NPBWR2: variants seen among roughly 807,000 people sequenced by gnomAD.
The protein encoded by NPBWR2 is neuropeptides B/W receptor type 2.
For synonymous variants in NPBWR2, 207 were observed against 223.5 expected (o/e 0.93, Z 0.66); for missense variants, 390 against 458.2 (o/e 0.85, Z 1.36).
Position 64,106,359 on chromosome 20 carries a change from C to G in NPBWR2, c.473G>C (p.Arg158Pro), listed in dbSNP as rs752432422. The change falls in exon 2 of 2, where the codon CGC becomes CCC. Residue 158 changes from arginine (R) to proline (P), a missense_variant. By Grantham distance (103) the Arg-to-Pro change is moderately radical. Coordinates refer to ENST00000684052, the MANE Select transcript of NPBWR2 (RefSeq NM_005286.4). The surrounding 1 kb of genome is among the most constrained non-coding windows in gnomAD (Gnocchi z 9.5). The stretch of plus-strand genomic sequence containing the variant: ...GGCGACCTTCGCCCCCCGGTAGGTG[C>G]GCCAGGGCATGTGGCGGGACCTCAC... ...ATVRSRHMPWRTYRGAKVASL... is the reference protein window; with the variant it reads ...ATVRSRHMPWPTYRGAKVASL... 1 of 1,612,638 alleles carries G rather than the reference C, an allele frequency of 6.2e-7. No individual in the cohort carries two copies. Among genetic ancestry groups the G allele is most frequent in the African/African-American group, 1.3e-5 (1 of 74,928 alleles).
chr20:64,104,490 G>T lies in NPBWR2; in HGVS notation c.*1340C>A, dbSNP rs1051020298. 2.1e-5 allele frequency among the ~76,000 whole-genome samples: 3 copies of T among 144,424 alleles called. No homozygotes were observed. Among genetic ancestry groups the T allele is most frequent in the Non-Finnish European group, 4.6e-5 (3 of 65,924 alleles). The allele number at this position is 144,424 out of a possible 152,430, so 94.7% of individuals were successfully genotyped here. ...CGAGGACCGTCGGCCACAGCAGGGG[G>T]GTACAGGGGAGCACAGGCCATGGAG... On this transcript the variant is annotated 3_prime_UTR_variant, in exon 2 of 2. Coordinates refer to ENST00000684052, the MANE Select transcript of NPBWR2 (RefSeq NM_005286.4).
Position 64,106,949 on chromosome 20 carries a change from T to C in NPBWR2, c.-91-27A>G. 7.8e-7 allele frequency: 1 copy of C among 1,288,326 alleles called. No individual in the cohort carries two copies. Among genetic ancestry groups the C allele is most frequent in the South Asian group, 1.5e-5 (1 of 68,140 alleles). The allele number at this position is 1,288,326 out of a possible 1,614,324, so 79.8% of individuals were successfully genotyped here. A position where few individuals can be genotyped will look rare whatever the true frequency, so the allele number is the denominator to read the frequency against. ...TAGGAAAGAAAAACAACCAGAGACT[T>C]TGAGATCCGGCCGTCTGTTAGGGCA... On this transcript the variant is annotated intron_variant, in intron 1 of 1. Coordinates refer to ENST00000684052, the MANE Select transcript of NPBWR2 (RefSeq NM_005286.4). This position sits in a 1 kb window ranked among gnomAD's most constrained non-coding sequence, Gnocchi z 9.5.
In NPBWR2 at chr20:64,103,827, A is replaced by G. The variant is rs1439749593; in HGVS notation, c.*2003T>C. The stretch of plus-strand genomic sequence containing the variant: ...TAAGTTTTGGAGAAATTTGTTATTC[A>G]GCAACAGATATCTAATACAATGTTG... On this transcript the variant is annotated 3_prime_UTR_variant, in exon 2 of 2. Transcript: ENST00000684052. Among the ~76,000 whole-genome samples the G allele has an allele frequency of 2.0e-5, 3 of 152,284 alleles. No individual in the cohort carries two copies. The highest frequency in any genetic ancestry group is 2.4e-5 in the African/African-American group (1 of 41,484).
Position 64,106,768 on chromosome 20 carries a change from C to A in NPBWR2, c.64G>T (p.Gly22Cys), listed in dbSNP as rs773943448. Residue 22 changes from glycine (G) to cysteine (C), a missense_variant, in exon 2 of 2, where the codon GGT (glycine) becomes TGT (cysteine). Coordinates refer to ENST00000684052, the MANE Select transcript of NPBWR2 (RefSeq NM_005286.4). This position sits in a 1 kb window ranked among gnomAD's most constrained non-coding sequence, Gnocchi z 9.5. The stretch of plus-strand genomic sequence containing the variant: ...CCATTGTCCTGAGAGACGTTGGCAC[C>A]CATCGTGGGGAGGGAGAAGGAGCCC... ...SRGSFSLPTM[G>C]ANVSQDNGTG... 8 of 1,612,512 alleles carry A rather than the reference C, an allele frequency of 5.0e-6. No homozygotes were observed. The highest frequency in any genetic ancestry group is 6.8e-6 in the Non-Finnish European group (8 of 1,179,962).
At position 64,106,095 on chromosome 20, in the gene NPBWR2, G is replaced by C; in HGVS notation, c.737C>G (p.Ser246Cys). The change falls in exon 2 of 2, where the codon TCT becomes TGT. Residue 246 changes from serine to cysteine, a missense_variant. Physicochemically the swap from Ser to Cys is moderately radical, Grantham distance 112 (BLOSUM62 -1). Transcript: ENST00000684052. This position sits in a 1 kb window ranked among gnomAD's most constrained non-coding sequence, Gnocchi z 9.5. ...GGCCTTGCCTAGAGCCTTGGCTCCAGAGCGGAGCCGCACGGCCCGCAGCCT... is the reference window on the plus strand; with the variant it reads ...GGCCTTGCCTAGAGCCTTGGCTCCACAGCGGAGCCGCACGGCCCGCAGCCT... ...LRRLRAVRLR[S>C]GAKALGKARR... The C allele has an allele frequency of 1.2e-6, 2 of 1,611,458 alleles. No individual in the cohort carries two copies. The highest frequency in any genetic ancestry group is 1.7e-6 in the Non-Finnish European group (2 of 1,179,600).
chr20:64,105,690 GTGGTGGGGGTGA>G lies in NPBWR2; in HGVS notation c.*128_*139del, dbSNP rs1979978427. The G allele has an allele frequency of 3.8e-5, 10 of 262,762 alleles. No homozygotes were observed. Among genetic ancestry groups the G allele is most frequent in the African/African-American group, 1.7e-4 (2 of 11,720 alleles). 16.3% of individuals were successfully genotyped at this position (262,762 alleles called of 1,614,324 possible). ...GATGATGGGCGTGATGATGGGGGTG[GTGGTGGGGGTGA>G]TGGTGGGGGTGGTGGTGGGGGTGGG... On this transcript the variant is annotated 3_prime_UTR_variant, in exon 2 of 2. Coordinates refer to ENST00000684052, the MANE Select transcript of NPBWR2 (RefSeq NM_005286.4).
Position 64,106,330 on chromosome 20 carries a change from G to T in NPBWR2, c.502C>A (p.Leu168Met). 6.2e-7 allele frequency: 1 copy of T among 1,612,814 alleles called. No individual in the cohort carries two copies. The highest frequency in any genetic ancestry group is 1.1e-5 in the South Asian group (1 of 91,082). ...ACCGTGACGCCCAGCCAGACACACA[G>T]GCTGGCGACCTTCGCCCCCCGGTAG... ...RTYRGAKVAS[L>M]CVWLGVTVLV... is the part of the protein sequence containing the mutation. Residue 168 changes from leucine (L) to methionine (M), a missense_variant, in exon 2 of 2, where the codon CTG (leucine) becomes ATG (methionine). By Grantham distance (15) the Leu-to-Met change is conservative. Coordinates refer to ENST00000684052, the MANE Select transcript of NPBWR2 (RefSeq NM_005286.4). The surrounding 1 kb of genome is among the most constrained non-coding windows in gnomAD (Gnocchi z 9.5).
At position 64,105,823 on chromosome 20, in the gene NPBWR2, A is replaced by G; in HGVS notation, c.*7T>C. The G allele has an allele frequency of 7.3e-7, 1 of 1,377,646 alleles. No individual in the cohort carries two copies. Among genetic ancestry groups the G allele is most frequent in the Non-Finnish European group, 9.8e-7 (1 of 1,021,012 alleles). 85.3% of individuals were successfully genotyped at this position (1,377,646 alleles called of 1,614,324 possible). A position where few individuals can be genotyped will look rare whatever the true frequency, so the allele number is the denominator to read the frequency against. ...CATGATGATGGGGGTGATGGTGCCC[A>G]GGCCCTTCAGCACCGCAATATGCTG... is the stretch of plus-strand genomic sequence containing the variant. On this transcript the variant is annotated 3_prime_UTR_variant, in exon 2 of 2. Coordinates refer to ENST00000684052, the MANE Select transcript of NPBWR2 (RefSeq NM_005286.4).
Position 64,105,656 on chromosome 20 carries a change from G to C in NPBWR2, c.*174C>G, listed in dbSNP as rs1340692124. ...TGGGCGTGATGGTGGATGTGATGGG[G>C]GTGGGCATGATGATGGGCGTGATGA... On this transcript the variant is annotated 3_prime_UTR_variant, in exon 2 of 2. Coordinates refer to ENST00000684052, the MANE Select transcript of NPBWR2 (RefSeq NM_005286.4). Among the ~76,000 whole-genome samples the C allele has an allele frequency of 1.6e-5, 1 of 64,396 alleles. No homozygotes were observed. Among genetic ancestry groups the C allele is most frequent in the Non-Finnish European group, 3.1e-5 (1 of 31,756 alleles). The allele number at this position is 64,396 out of a possible 152,430, so 42.2% of individuals were successfully genotyped here. A position where few individuals can be genotyped will look rare whatever the true frequency, so the allele number is the denominator to read the frequency against.
In NPBWR2 at chr20:64,107,406, T is replaced by C. The variant is rs1202385190; in HGVS notation, c.-134A>G. Among the ~76,000 whole-genome samples, 2 of 152,196 alleles carry C rather than the reference T, an allele frequency of 1.3e-5. No individual in the cohort carries two copies. Among genetic ancestry groups the C allele is most frequent in the Non-Finnish European group, 2.9e-5 (2 of 68,034 alleles). On this transcript the variant is annotated 5_prime_UTR_variant, in exon 1 of 2. Transcript: ENST00000684052. The surrounding 1 kb of genome is among the most constrained non-coding windows in gnomAD (Gnocchi z 6.3). ...TCCAGAAGTTGGTAGCCTTGGTGTG[T>C]TCCTGGTTTTGGCCAGTACAGGCAG...
In NPBWR2 at chr20:64,106,837, C is replaced by T. The variant is rs755247495; in HGVS notation, c.-6G>A. ...GGGTGCCCAGCGGCCTGCATTGTAG[C>T]TGGGACCGTTGACGATTTGCGCCCT... is the stretch of plus-strand genomic sequence containing the variant. On this transcript the variant is annotated 5_prime_UTR_variant, in exon 2 of 2. Coordinates refer to ENST00000684052, the MANE Select transcript of NPBWR2 (RefSeq NM_005286.4). This position sits in a 1 kb window ranked among gnomAD's most constrained non-coding sequence, Gnocchi z 9.5. 7 of 1,603,398 alleles carry T rather than the reference C, an allele frequency of 4.4e-6. No individual in the cohort carries two copies. In the Admixed American group the frequency reaches 8.4e-5, roughly 19 times the overall value.
rs981729762 is a variant in NPBWR2, at chr20:64,106,058, C to A, written c.774G>T (p.Val258=). 1 of 1,610,510 alleles carries A rather than the reference C, an allele frequency of 6.2e-7. No individual in the cohort carries two copies. Among genetic ancestry groups the A allele is most frequent in the Admixed American group, 1.7e-5 (1 of 59,900 alleles). Residue 258 remains valine, a synonymous_variant, in exon 2 of 2, where the codon GTG becomes GTT. Coordinates refer to ENST00000684052, the MANE Select transcript of NPBWR2 (RefSeq NM_005286.4). The surrounding 1 kb of genome is among the most constrained non-coding windows in gnomAD (Gnocchi z 9.5). The stretch of plus-strand genomic sequence containing the variant: ...CCAGCACGACGAGGACCAGGACGGT[C>A]ACCTTCCGCCTGGCCTTGCCTAGAG... ...AKALGKARRK[V]TVLVLVVLAV... is the part of the protein sequence containing the mutation.
chr20:64,104,843 A>G lies in NPBWR2; in HGVS notation c.*987T>C, dbSNP rs573423054. 6.9e-6 allele frequency among the ~76,000 whole-genome samples: 1 copy of G among 144,492 alleles called. No individual in the cohort carries two copies. Among genetic ancestry groups the G allele is most frequent in the African/African-American group, 2.6e-5 (1 of 38,182 alleles). 94.8% of individuals were successfully genotyped at this position (144,492 alleles called of 152,430 possible). A position where few individuals can be genotyped will look rare whatever the true frequency, so the allele number is the denominator to read the frequency against. On this transcript the variant is annotated 3_prime_UTR_variant, in exon 2 of 2. Coordinates refer to ENST00000684052, the MANE Select transcript of NPBWR2 (RefSeq NM_005286.4). ...AGGGGGGTACAGGGGAGCACAGGCC[A>G]TGGAGAGGACCGTCGGACACAGCAG...
Position 64,105,719 on chromosome 20 carries a change from G to GGGCGTGATGAT in NPBWR2, c.*110_*111insATCATCACGCC, listed in dbSNP as rs1569285658. 30 of 352,376 alleles carry GGGCGTGATGAT rather than the reference G, an allele frequency of 8.5e-5. 1 individual carries two copies. Among genetic ancestry groups the GGGCGTGATGAT allele is most frequent in the South Asian group, 3.1e-4 (8 of 26,026 alleles). 21.8% of individuals were successfully genotyped at this position (352,376 alleles called of 1,614,324 possible). A position where few individuals can be genotyped will look rare whatever the true frequency, so the allele number is the denominator to read the frequency against. On this transcript the variant is annotated 3_prime_UTR_variant, in exon 2 of 2. Coordinates refer to ENST00000684052, the MANE Select transcript of NPBWR2 (RefSeq NM_005286.4). ...TGGGGGTGATGGTGGGGGTGGTGGT[G>GGGCGTGATGAT]GGGGTGGGGGGGGGTGGGCCTGATG...
chr20:64,106,923 C>T lies in NPBWR2; in HGVS notation c.-91-1G>A. The T allele has an allele frequency of 6.9e-7, 1 of 1,459,766 alleles. No individual in the cohort carries two copies. The highest frequency in any genetic ancestry group is 9.2e-7 in the Non-Finnish European group (1 of 1,081,304). The allele number at this position is 1,459,766 out of a possible 1,614,324, so 90.4% of individuals were successfully genotyped here. A position where few individuals can be genotyped will look rare whatever the true frequency, so the allele number is the denominator to read the frequency against. On this transcript the variant is annotated splice_acceptor_variant, in intron 1 of 1. Coordinates refer to ENST00000684052, the MANE Select transcript of NPBWR2 (RefSeq NM_005286.4). LOFTEE classifies it low-confidence loss of function (5UTR_SPLICE). This position sits in a 1 kb window ranked among gnomAD's most constrained non-coding sequence, Gnocchi z 9.5. ...GTTGGGGGCCTCCTTGGGCTGGATT[C>T]TAGGAAAGAAAAACAACCAGAGACT...
chr20:64,105,945 C>T lies in NPBWR2; in HGVS notation c.887G>A (p.Ser296Asn), dbSNP rs764132367. 3 of 1,612,868 alleles carry T rather than the reference C, an allele frequency of 1.9e-6. No individual in the cohort carries two copies. Among genetic ancestry groups the T allele is most frequent in the East Asian group, 2.2e-5 (1 of 44,880 alleles). Residue 296 changes from serine to asparagine, a missense_variant, in exon 2 of 2, where the codon AGT (serine) becomes AAT (asparagine). Coordinates refer to ENST00000684052, the MANE Select transcript of NPBWR2 (RefSeq NM_005286.4). ...GAGGCTGGTGATGACGTAGGACATA[C>T]TGATGACCAGTGGGGTCTGGGGCAG... ...TDLPQTPLVI[S>N]MSYVITSLSY...
At position 64,105,219 on chromosome 20, in the gene NPBWR2, T is replaced by A. The variant is rs1979923974; in HGVS notation, c.*611A>T. On this transcript the variant is annotated 3_prime_UTR_variant, in exon 2 of 2. Coordinates refer to ENST00000684052, the MANE Select transcript of NPBWR2 (RefSeq NM_005286.4). ...TTCCCTCCCCTCCCGACCACTGTCA[T>A]TAGGGATCCTGAGTCCCAGAGCCTT... Among the ~76,000 whole-genome samples, 1 of 151,792 alleles carries A rather than the reference T, an allele frequency of 6.6e-6. No homozygotes were observed. Among genetic ancestry groups the A allele is most frequent in the Non-Finnish European group, 1.5e-5 (1 of 67,974 alleles).
At position 64,105,452 on chromosome 20, in the gene NPBWR2, C is replaced by G. The variant is rs1181046648; in HGVS notation, c.*378G>C. Among the ~76,000 whole-genome samples, 1 of 123,784 alleles carries G rather than the reference C, an allele frequency of 8.1e-6. No homozygotes were observed. Among genetic ancestry groups the G allele is most frequent in the East Asian group, 2.5e-4 (1 of 4,048 alleles). The allele number at this position is 123,784 out of a possible 152,430, so 81.2% of individuals were successfully genotyped here. A position where few individuals can be genotyped will look rare whatever the true frequency, so the allele number is the denominator to read the frequency against. ...TCTGTGTCTCCTTGCGTGGAGAGGA[C>G]AGCACTGGGATGTGAACAGGCCGGG... On this transcript the variant is annotated 3_prime_UTR_variant, in exon 2 of 2. Transcript: ENST00000684052.
At position 64,106,354 on chromosome 20, in the gene NPBWR2, A is replaced by T. The variant is rs1451597306; in HGVS notation, c.478T>A (p.Tyr160Asn). 2 of 1,612,630 alleles carry T rather than the reference A, an allele frequency of 1.2e-6. No homozygotes were observed. The highest frequency in any genetic ancestry group is 2.7e-5 in the African/African-American group (2 of 74,924). ...AGGCTGGCGACCTTCGCCCCCCGGT[A>T]GGTGCGCCAGGGCATGTGGCGGGAC... is the stretch of plus-strand genomic sequence containing the variant. ...VRSRHMPWRTYRGAKVASLCV... is the reference protein window; with the variant it reads ...VRSRHMPWRTNRGAKVASLCV... Residue 160 changes from tyrosine to asparagine, a missense_variant, in exon 2 of 2, where the codon TAC becomes AAC. By Grantham distance (143) the Tyr-to-Asn change is moderately radical. Transcript: ENST00000684052. The surrounding 1 kb of genome is among the most constrained non-coding windows in gnomAD (Gnocchi z 9.5).
Sources: allele counts gnomAD v4.1 joint callset (sites outside exome capture counted in the v4.1 genomes callset), GRCh38; gene constraint gnomAD v4.1.1; non-coding constraint Gnocchi (gnomAD v3.1); transcripts MANE v1.5; gene names NCBI Gene and HGNC (gene_info 2026-07-23, HGNC 2026-07-21).